Variants in NTRK2 observed in about 807,000 individuals in gnomAD.
The protein encoded by NTRK2 is BDNF/NT-3 growth factors receptor.
A neutral mutation model predicts 94.5 loss-of-function variants in NTRK2; 13 were observed. The ratio of observed to expected loss-of-function variants is 0.14; its 90% CI spans 0.09 to 0.22. The LOEUF is 0.22. NTRK2 is among the 10% of genes least tolerant of loss of function. NTRK2 has a pLI of 1.00. For missense variants in NTRK2, 639 were observed against 1,071.2 expected, an observed-to-expected ratio of 0.60 and a Z score of 5.63; for synonymous variants, 372 against 407.4, an observed-to-expected ratio of 0.91 and a Z score of 1.05.
At chr9:84,791,420 G>A (rs1020043001) in intron 12 of NTRK2, among the ~76,000 whole-genome samples, 7 of 152,120 alleles carry the variant, frequency 4.6e-5, no homozygotes, top group Non-Finnish European at 7.3e-5. Flanking sequence ...GCATTCTAAA[G>A]CAAGCCTTGG....
chr9:84,940,137 C>T (rs1019467180), intron 15 of NTRK2, among the ~76,000 whole-genome samples: 23 of 152,180 alleles, frequency 1.5e-4, no homozygotes, highest in African/African-American at 5.3e-4. Flanking sequence ...GTCCACTCTA[C>T]CCAACCCAAA....
intron 5 of NTRK2, among the ~76,000 whole-genome samples, chr9:84,709,552 A>T (rs989226192): frequency 6.6e-6 from 1 of 151,890 alleles, no homozygotes; most frequent in Non-Finnish European, 1.5e-5. Flanking sequence ...CCCCTAAGAA[A>T]CTCCTGGAAA....
chr9:84,823,393 T>C (rs1311106410), intron 12 of NTRK2, among the ~76,000 whole-genome samples: 1 of 152,224 alleles, frequency 6.6e-6, no homozygotes, highest in Non-Finnish European at 1.5e-5. Flanking sequence ...GAGGACCAAG[T>C]CGGAGTGGTA....
At chr9:84,848,745 C>T (rs535713555) in intron 12 of NTRK2, among the ~76,000 whole-genome samples, 14 of 152,022 alleles carry the variant, frequency 9.2e-5, no homozygotes, top group East Asian at 3.9e-4. Flanking sequence ...TCTTTGAGCA[C>T]GAAAAAAATC....
intron 12 of NTRK2, among the ~76,000 whole-genome samples, chr9:84,778,858 T>C (rs1187226254): frequency 2.0e-5 from 3 of 152,190 alleles, no homozygotes; most frequent in Non-Finnish European, 4.4e-5. Flanking sequence ...TACAGTGGAC[T>C]GATTTCTTCT....
intron 12 of NTRK2, among the ~76,000 whole-genome samples, chr9:84,840,668 G>A (rs1325846450): frequency 1.3e-5 from 2 of 152,098 alleles, no homozygotes; most frequent in South Asian, 4.1e-4. Flanking sequence ...AAAACACACT[G>A]CTCTTGACTT....
At chr9:84,972,508 C>T (rs927452687) in intron 17 of NTRK2, among the ~76,000 whole-genome samples, 9 of 152,082 alleles carry the variant, frequency 5.9e-5, no homozygotes, top group Admixed American at 2.0e-4. Flanking sequence ...GTACTATAAC[C>T]GTTAATATAA....
rs61094948 is a variant in NTRK2 at position 84,816,778 on chromosome 9, C to CAAAA, written c.1397-44244_1397-44241dup. On this transcript the variant is annotated intron_variant, in intron 12 of 18. Coordinates refer to ENST00000277120, the MANE Select transcript of NTRK2 (RefSeq NM_006180.6). ...TGGATGACACAGCAAGACTCCATCT[C>CAAAA]AAAAAAAAAAAAAAAAAAAAAGAAA... Among the ~76,000 whole-genome samples, 252 of 81,866 alleles carry CAAAA rather than the reference C, an allele frequency of 3.1e-3. 1 individual carries two copies. Among genetic ancestry groups the CAAAA allele is most frequent in the Non-Finnish European group, 3.5e-3 (151 of 42,574 alleles). 53.7% of individuals were successfully genotyped at this position (81,866 alleles called of 152,430 possible).
At chr9:84,763,269 G>C (rs1457458817) in intron 12 of NTRK2, among the ~76,000 whole-genome samples, 1 of 152,114 alleles carries the variant, frequency 6.6e-6, no homozygotes, top group Non-Finnish European at 1.5e-5. Context: ...GTCTGAGTCA[G>C]GGCTCTGTGT....
intron 9 of NTRK2, among the ~76,000 whole-genome samples, chr9:84,737,121 C>T (rs113711779): frequency 0.048 from 7,266 of 152,208 alleles, 245 homozygotes; most frequent in Non-Finnish European, 0.068. Context: ...TTCTCTCTCT[C>T]TTTTTCTTTA....
At chr9:84,984,834 A>G (rs891963609) in intron 17 of NTRK2, among the ~76,000 whole-genome samples, 2 of 152,220 alleles carry the variant, frequency 1.3e-5, no homozygotes, top group African/African-American at 4.8e-5. Context: ...ACCTCTCCAC[A>G]TCTCTATTTC....
Position 84,814,013 on chromosome 9 carries a change from G to T in NTRK2, c.1397-47027G>T. On this transcript the variant is annotated intron_variant, in intron 12 of 18. Transcript: ENST00000277120. ...GTACAAACAGTCTGAGGCTAAGAAA[G>T]GTTCATCTCACAACAGGAAAAACAA... The T allele has an allele frequency of 6.6e-6, 7 of 1,065,212 alleles. No individual in the cohort carries two copies. In the East Asian group the frequency reaches 1.5e-4, roughly 23 times the overall value. 66.0% of individuals were successfully genotyped at this position (1,065,212 alleles called of 1,614,324 possible).
chr9:84,679,472 G>A (rs923191956), intron 2 of NTRK2, among the ~76,000 whole-genome samples: 4 of 152,186 alleles, frequency 2.6e-5, no homozygotes, highest in Admixed American at 6.5e-5. Context: ...CAGTGGGAAA[G>A]GCGACAAAGT....
intron 14 of NTRK2, among the ~76,000 whole-genome samples, chr9:84,870,206 C>T (rs1313042642): frequency 1.5e-5 from 2 of 134,816 alleles, no homozygotes; most frequent in African/African-American, 2.8e-5. Context: ...GTACATATAC[C>T]TATATGCACA....
chr9:84,790,235 C>T (rs2068592212), intron 12 of NTRK2, among the ~76,000 whole-genome samples: 1 of 152,054 alleles, frequency 6.6e-6, no homozygotes, highest in Non-Finnish European at 1.5e-5. Context: ...TTGTCATTAC[C>T]TTTTAAGTAA....
At chr9:84,741,203 A>G (rs1052554932) in intron 9 of NTRK2, among the ~76,000 whole-genome samples, 1 of 152,208 alleles carries the variant, frequency 6.6e-6, no homozygotes, top group African/African-American at 2.4e-5. Flanking sequence ...TATTTTGATC[A>G]TCTTGGTGAC....
chr9:84,742,886 C>T (rs998030900), intron 10 of NTRK2, among the ~76,000 whole-genome samples: 5 of 150,336 alleles, frequency 3.3e-5, no homozygotes, highest in East Asian at 2.0e-4. Context: ...CTGCAACCTC[C>T]GCCTCCCGAG....
intron 17 of NTRK2, among the ~76,000 whole-genome samples, chr9:84,963,695 C>T (rs1035533962): frequency 3.3e-5 from 5 of 152,152 alleles, no homozygotes; most frequent in Admixed American, 1.3e-4. Context: ...TTCTGCTTTT[C>T]CCACCAACCC....
At chr9:84,954,749 C>T (rs1314792094) in intron 16 of NTRK2, among the ~76,000 whole-genome samples, 1 of 152,196 alleles carries the variant, frequency 6.6e-6, no homozygotes, top group Non-Finnish European at 1.5e-5. Context: ...GGCTGCCCAG[C>T]TCTGGTGCTG....
Sources: gnomAD v4.1 joint callset for allele counts (sites outside exome capture counted in the v4.1 genomes callset) on GRCh38, gnomAD v4.1.1 for gene constraint, MANE v1.5 for transcripts, NCBI Gene and HGNC (gene_info 2026-07-23, HGNC 2026-07-21) for gene names.